The following TRPM4 variants were observed in gnomAD, a reference collection of about 807,000 sequenced individuals.
TRPM4 encodes calcium-activated non-selective cation channel 1.
In TRPM4, 124 loss-of-function variants were observed where a neutral mutation model predicts 135.6. The ratio of observed to expected loss-of-function variants is 0.91; its 90% CI spans 0.79 to 1.06. The LOEUF (loss-of-function observed/expected upper bound fraction) is 1.06, where lower values mean the gene tolerates loss of function less well. TRPM4 is among the 50% of genes least tolerant of loss of function. The pLI is 0.00. For synonymous variants in TRPM4, 745 were observed against 705.6 expected (o/e 1.06, Z -0.88); for missense variants, 1,658 against 1,671.4 (o/e 0.99, Z 0.14).
In TRPM4 at chr19:49,158,279, A is replaced by C; in HGVS notation, c.92+20A>C. 2 of 1,611,988 alleles carry C rather than the reference A, an allele frequency of 1.2e-6. No individual in the cohort carries two copies. The highest frequency in any genetic ancestry group is 1.7e-6 in the Non-Finnish European group (2 of 1,178,514). ...TCCGGGGTGAGGAGTTCGCCCCTGG[A>C]CTGACCCCAGAGGGTCCGCGGCCCG... is the stretch of plus-strand genomic sequence containing the variant. On this transcript the variant is annotated intron_variant, in intron 2 of 24. Coordinates refer to ENST00000252826, the MANE Select transcript of TRPM4 (RefSeq NM_017636.4).
At position 49,188,773 on chromosome 19, in the gene TRPM4, G is replaced by T. The variant is rs779988026; in HGVS notation, c.1873+3G>T. On this transcript the variant is annotated splice_donor_region_variant and intron_variant, in intron 13 of 24. Transcript: ENST00000252826. Reference sequence around the variant, plus strand: ...CAAGTTTGAGGGGATGGGCGTTGGTGCGTGGGGCACGGTGCCTGGGAGCAG... The same window carrying T: ...CAAGTTTGAGGGGATGGGCGTTGGTTCGTGGGGCACGGTGCCTGGGAGCAG... 6.2e-7 allele frequency: 1 copy of T among 1,614,046 alleles called. No individual in the cohort carries two copies. Among genetic ancestry groups the T allele is most frequent in the Non-Finnish European group, 8.5e-7 (1 of 1,179,982 alleles).
At chr19:49,166,420 CCG>C (rs1967182558) in intron 3 of TRPM4, among the ~76,000 whole-genome samples, 3 of 152,192 alleles carry the variant, frequency 2.0e-5, no homozygotes, top group Non-Finnish European at 2.9e-5. Flanking sequence ...CCCTCTGTCT[CCG>C]TGTCCCTCTC....
intron 6 of TRPM4, among the ~76,000 whole-genome samples, chr19:49,170,518 G>A (rs1022465399): frequency 3.3e-5 from 5 of 152,192 alleles, no homozygotes; most frequent in East Asian, 3.9e-4. Flanking sequence ...AAGTAGAGTC[G>A]ATATAGTGCT....
At chr19:49,183,865 C>T (rs886260982) in intron 12 of TRPM4, among the ~76,000 whole-genome samples, 1 of 150,826 alleles carries the variant, frequency 6.6e-6, no homozygotes, top group Non-Finnish European at 1.5e-5. Flanking sequence ...GCTCCACCTT[C>T]TGGGTTCATG....
At chr19:49,166,276 G>C (rs1967175276) in intron 3 of TRPM4, 61 bp downstream of exon 3, 2 of 1,505,812 alleles carry the variant, frequency 1.3e-6, no homozygotes, top group Non-Finnish European at 1.8e-6. Context: ...CGGGGCTCCA[G>C]AGTGGAGCCG....
rs1967307170 is a variant in TRPM4 at position 49,168,262 on chromosome 19, G to T, written c.451G>T (p.Ala151Ser). The change falls in exon 5 of 25, where the codon GCC becomes TCC. Residue 151 changes from alanine to serine, a missense_variant and splice_region_variant. This residue lies in a region of TRPM4 where 239 missense variants were observed against 240.1 expected (regional missense o/e 1.00). Coordinates refer to ENST00000252826, the MANE Select transcript of TRPM4 (RefSeq NM_017636.4). ...GLVRAAQSTGAWIVTGGLHTG... is the reference protein window; with the variant it reads ...GLVRAAQSTGSWIVTGGLHTG... ...CATGTTCCTCGGCGTCTGTGTAGGA[G>T]CCTGGATTGTCACTGGGGGTCTGCA... The T allele has an allele frequency of 1.2e-6, 2 of 1,614,136 alleles. No homozygotes were observed. Among genetic ancestry groups the T allele is most frequent in the Non-Finnish European group, 1.7e-6 (2 of 1,180,044 alleles).
chr19:49,210,483 C>T lies in TRPM4; in HGVS notation c.3328+78C>T, dbSNP rs1297832743. 3.2e-6 allele frequency: 5 copies of T among 1,546,414 alleles called. No individual in the cohort carries two copies. Among genetic ancestry groups the T allele is most frequent in the Middle Eastern group, 2.0e-4 (1 of 4,906 alleles). The stretch of plus-strand genomic sequence containing the variant: ...GAAGGCGAGGGGAAGGGGGCATGCC[C>T]CAAATGACTAACGGGCGTGGCTTAG... On this transcript the variant is annotated intron_variant, in intron 21 of 24. Coordinates refer to ENST00000252826, the MANE Select transcript of TRPM4 (RefSeq NM_017636.4). This position sits in a 1 kb window ranked among gnomAD's most constrained non-coding sequence, Gnocchi z 4.1.
chr19:49,170,768 C>T (rs1967422922), intron 6 of TRPM4, among the ~76,000 whole-genome samples: 1 of 152,116 alleles, frequency 6.6e-6, no homozygotes, highest in Non-Finnish European at 1.5e-5. Flanking sequence ...AATCTAGCTC[C>T]CTCCTGAAGT....
chr19:49,157,839 T>TGCAG lies in TRPM4; in HGVS notation c.-26_-23dup. On this transcript the variant is annotated 5_prime_UTR_variant, in exon 1 of 25. Coordinates refer to ENST00000252826, the MANE Select transcript of TRPM4 (RefSeq NM_017636.4). ...CGGAGGGAGCGCCGGGGCCCTGGGC[T>TGCAG]GCAGGAGGTTGCGGCGGCCGCGGCA... 1 of 1,534,452 alleles carries TGCAG rather than the reference T, an allele frequency of 6.5e-7. No individual in the cohort carries two copies. Among genetic ancestry groups the TGCAG allele is most frequent in the Non-Finnish European group, 8.7e-7 (1 of 1,146,182 alleles).
intron 16 of TRPM4, among the ~76,000 whole-genome samples, chr19:49,195,867 A>C (rs1968612724): frequency 7.0e-6 from 1 of 141,860 alleles, no homozygotes; most frequent in Non-Finnish European, 1.5e-5. Flanking sequence ...ATTTTTATTT[A>C]TTTTATTATT....
intron 9 of TRPM4, among the ~76,000 whole-genome samples, chr19:49,179,641 C>T (rs10410299): frequency 0.34 from 51,101 of 152,198 alleles, 8,885 homozygotes; most frequent in African/African-American, 0.42. Flanking sequence ...TGAGCCACGG[C>T]GCCCGGCCTG....
chr19:49,210,655 G>C lies in TRPM4; in HGVS notation c.3329-55G>C. On this transcript the variant is annotated intron_variant, in intron 21 of 24. Transcript: ENST00000252826. The surrounding 1 kb of genome is among the most constrained non-coding windows in gnomAD (Gnocchi z 4.1). ...TGTTCTGAGGGTGTCGGAAGGGGCA[G>C]CTGGGATTGGGAAGGGGCGTGGCCT... 1 of 1,613,470 alleles carries C rather than the reference G, an allele frequency of 6.2e-7. No individual in the cohort carries two copies.
intron 9 of TRPM4, among the ~76,000 whole-genome samples, chr19:49,181,018 C>T (rs925804089): frequency 4.6e-5 from 7 of 152,002 alleles, no homozygotes; most frequent in African/African-American, 1.7e-4. Flanking sequence ...CCAATAGAAC[C>T]AGCTTCTTCA....
At chr19:49,178,336 A>G (rs773264873) in intron 9 of TRPM4, among the ~76,000 whole-genome samples, 1 of 150,276 alleles carries the variant, frequency 6.7e-6, no homozygotes, top group Non-Finnish European at 1.5e-5. Context: ...AAAAACAAAA[A>G]CAGACTCTCT....
rs777033881 is a variant in TRPM4 at position 49,189,059 on chromosome 19, G to A, written c.1987G>A (p.Ala663Thr). The part of the protein sequence containing the change: ...TCLQLAMQAD[A>T]RAFFAQDGVQ... ...CCTCCAGCTGGCCATGCAAGCTGAC[G>A]CCCGTGCCTTCTTTGCCCAGGATGG... Residue 663 changes from alanine (A) to threonine (T), a missense_variant, in exon 14 of 25, where the codon GCC becomes ACC. Physicochemically the swap from Ala to Thr is moderately conservative, Grantham distance 58 (BLOSUM62 0). This residue lies in a region of TRPM4 where 1,412 missense variants were observed against 1,408.7 expected (regional missense o/e 1.00). Transcript: ENST00000252826. 6.2e-7 allele frequency: 1 copy of A among 1,614,146 alleles called. No homozygotes were observed. Among genetic ancestry groups the A allele is most frequent in the South Asian group, 1.1e-5 (1 of 91,084 alleles).
chr19:49,193,519 C>T lies in TRPM4; in HGVS notation c.2210+2746C>T, dbSNP rs997721084. Among the ~76,000 whole-genome samples, 3 of 152,146 alleles carry T rather than the reference C, an allele frequency of 2.0e-5. No individual in the cohort carries two copies. The East Asian group carries it at 5.8e-4, about 29-fold the overall frequency. On this transcript the variant is annotated intron_variant, in intron 16 of 24. Transcript: ENST00000252826. ...GTAAATGGTAGAGCCGAGATTTGATCCCAGATCCTCTTGTACCTGAGTCTG... is the reference window on the plus strand; with the variant it reads ...GTAAATGGTAGAGCCGAGATTTGATTCCAGATCCTCTTGTACCTGAGTCTG...
rs1568455297 is a variant in TRPM4 at position 49,164,297 on chromosome 19, T to TC, written c.93-1742dup. 1.6e-3 allele frequency among the ~76,000 whole-genome samples: 97 copies of TC among 59,078 alleles called. No individual in the cohort carries two copies. In the South Asian group the frequency reaches 0.042, roughly 25 times the overall value. The allele number at this position is 59,078 out of a possible 152,430, so 38.8% of individuals were successfully genotyped here. A position where few individuals can be genotyped will look rare whatever the true frequency, so the allele number is the denominator to read the frequency against. ...TCTTTCCCTCCCTCCCTCCCTCCCT[T>TC]CCTTCCTTCCTTCCTTTCCTTCCTC... On this transcript the variant is annotated intron_variant, in intron 2 of 24. Coordinates refer to ENST00000252826, the MANE Select transcript of TRPM4 (RefSeq NM_017636.4).
At chr19:49,198,587 G>T (rs67605147) in intron 17 of TRPM4, among the ~76,000 whole-genome samples, 39,448 of 148,124 alleles carry the variant, frequency 0.27, 5,605 homozygotes, top group South Asian at 0.37. Context: ...GGCGGAGGTT[G>T]CAGTGAGCCA....
intron 10 of TRPM4, among the ~76,000 whole-genome samples, chr19:49,181,810 G>C (rs955236948): frequency 1.3e-5 from 2 of 151,934 alleles, no homozygotes; most frequent in Non-Finnish European, 2.9e-5. Flanking sequence ...GGGGTTACAG[G>C]CATGAGCCAC....
Sources: gnomAD v4.1 joint callset for allele counts (sites outside exome capture counted in the v4.1 genomes callset) on GRCh38, gnomAD v4.1.1 for gene constraint, gnomAD v4.1.1 regional missense constraint, Gnocchi (gnomAD v3.1) non-coding constraint, MANE v1.5 for transcripts, NCBI Gene and HGNC (gene_info 2026-07-23, HGNC 2026-07-21) for gene names.